Variants in RAB2A observed in about 807,000 individuals in gnomAD.
RAB2A encodes the protein RAB2A, member RAS oncogene family.
In RAB2A, 7 loss-of-function variants were observed where a neutral mutation model predicts 32.5. That is an observed-to-expected ratio of 0.22 (90% confidence interval 0.12 to 0.40). RAB2A has a LOEUF of 0.40. RAB2A is among the 10% of genes least tolerant of loss of function. The pLI is 1.00. For synonymous variants in RAB2A, 79 were observed against 85.2 expected (o/e 0.93, Z 0.40); for missense variants, 108 against 260.7 (o/e 0.41, Z 4.03).
chr8:60,608,627 T>C (rs1375271213), intron 6 of RAB2A, among the ~76,000 whole-genome samples: 2 of 109,326 alleles, frequency 1.8e-5, no homozygotes, highest in African/African-American at 3.7e-5. Flanking sequence ...CCCACCTCAC[T>C]GGCCTTCCCC....
chr8:60,575,306 C>T (rs1373952772), intron 3 of RAB2A, among the ~76,000 whole-genome samples: 2 of 151,956 alleles, frequency 1.3e-5, no homozygotes, highest in African/African-American at 2.4e-5. Flanking sequence ...TGTTATGTTT[C>T]CCAGGCTGGT....
At chr8:60,522,790 A>G (rs1807321374) in intron 1 of RAB2A, among the ~76,000 whole-genome samples, 1 of 152,096 alleles carries the variant, frequency 6.6e-6, no homozygotes, top group Non-Finnish European at 1.5e-5. Flanking sequence ...AACAGAAGGA[A>G]GACCTCTTCC....
intron 6 of RAB2A, among the ~76,000 whole-genome samples, chr8:60,593,980 A>G (rs758835804): frequency 1.3e-5 from 2 of 152,132 alleles, no homozygotes; most frequent in Non-Finnish European, 1.5e-5. Flanking sequence ...TTTGTACACT[A>G]GAAAAAAAAA....
chr8:60,590,555 T>A (rs1361638928), intron 5 of RAB2A, among the ~76,000 whole-genome samples: 2 of 145,672 alleles, frequency 1.4e-5, no homozygotes, highest in Non-Finnish European at 3.0e-5. Context: ...TATATATATA[T>A]GTAAAATACA....
intron 6 of RAB2A, among the ~76,000 whole-genome samples, chr8:60,604,745 T>G (rs534614639): frequency 6.6e-6 from 1 of 152,320 alleles, no homozygotes; most frequent in South Asian, 2.1e-4. Context: ...ATTGAAGATG[T>G]GGCCTGGTTG....
At chr8:60,552,506 A>G (rs1807870460) in intron 1 of RAB2A, 1 of 152,204 alleles carries the variant, frequency 6.6e-6, no homozygotes, top group South Asian at 2.1e-4. Flanking sequence ...ATACTTTGTG[A>G]TATGATGGAT....
At chr8:60,521,208 A>G (rs1001800549) in intron 1 of RAB2A, among the ~76,000 whole-genome samples, 3 of 152,198 alleles carry the variant, frequency 2.0e-5, no homozygotes, top group Non-Finnish European at 2.9e-5. Context: ...TTTATTTAAT[A>G]GTTAAGTGGA....
intron 6 of RAB2A, among the ~76,000 whole-genome samples, chr8:60,602,449 A>G (rs1804149716): frequency 6.6e-6 from 1 of 152,236 alleles, no homozygotes; most frequent in African/African-American, 2.4e-5. Flanking sequence ...ATTTCATTCA[A>G]CAAGTAATAT....
Position 60,517,202 on chromosome 8 carries a change from G to C in RAB2A, c.-6G>C. On this transcript the variant is annotated 5_prime_UTR_variant, in exon 1 of 8. Coordinates refer to ENST00000262646, the MANE Select transcript of RAB2A (RefSeq NM_002865.3). ...CCGTGTGCCCTGGCACTGAGCGGCC[G>C]CGGCCATGGCGTACGCCTATCTCTT... The C allele has an allele frequency of 6.7e-7, 1 of 1,488,662 alleles. No individual in the cohort carries two copies. Among genetic ancestry groups the C allele is most frequent in the Non-Finnish European group, 8.9e-7 (1 of 1,117,958 alleles). The allele number at this position is 1,488,662 out of a possible 1,614,324, so 92.2% of individuals were successfully genotyped here. A position where few individuals can be genotyped will look rare whatever the true frequency, so the allele number is the denominator to read the frequency against.
chr8:60,602,772 A>G (rs1375864983), intron 6 of RAB2A, among the ~76,000 whole-genome samples: 1 of 152,204 alleles, frequency 6.6e-6, no homozygotes, highest in Non-Finnish European at 1.5e-5. Flanking sequence ...AGAAACAGCA[A>G]TTACAGTAAT....
chr8:60,550,154 C>T (rs539530150), intron 1 of RAB2A, among the ~76,000 whole-genome samples: 1 of 152,344 alleles, frequency 6.6e-6, no homozygotes, highest in South Asian at 2.1e-4. Flanking sequence ...GATCTGTCCA[C>T]TCTCAATCTG....
intron 5 of RAB2A, among the ~76,000 whole-genome samples, chr8:60,587,337 A>G (rs538492078): frequency 6.6e-6 from 1 of 152,348 alleles, no homozygotes; most frequent in South Asian, 2.1e-4. Flanking sequence ...CAACTGTTAC[A>G]TTATACCATT....
At chr8:60,571,521 T>A (rs1170964718) in intron 2 of RAB2A, among the ~76,000 whole-genome samples, 3 of 152,214 alleles carry the variant, frequency 2.0e-5, no homozygotes, top group Non-Finnish European at 2.9e-5. Context: ...GTATACTTAT[T>A]TCTGCATGTG....
intron 1 of RAB2A, among the ~76,000 whole-genome samples, chr8:60,550,896 C>T (rs13274307): frequency 3.5e-3 from 527 of 152,306 alleles, no homozygotes; most frequent in Non-Finnish European, 5.8e-3. Flanking sequence ...GCATGACTCT[C>T]CCTGCCTCCT....
chr8:60,614,280 G>C (rs1016622020), intron 6 of RAB2A, among the ~76,000 whole-genome samples: 1 of 145,926 alleles, frequency 6.9e-6, no homozygotes, highest in Non-Finnish European at 1.5e-5. Flanking sequence ...TCTTTATGGA[G>C]ATTTGAGCCA....
chr8:60,588,444 T>C (rs1803882848), intron 5 of RAB2A, among the ~76,000 whole-genome samples: 1 of 152,096 alleles, frequency 6.6e-6, no homozygotes, highest in Admixed American at 6.6e-5. Flanking sequence ...AAATATCAAT[T>C]AACAGATGAA....
At chr8:60,590,681 G>A (rs1441037234) in intron 5 of RAB2A, among the ~76,000 whole-genome samples, 1 of 150,608 alleles carries the variant, frequency 6.6e-6, no homozygotes, top group Non-Finnish European at 1.5e-5. Flanking sequence ...GAGAATTTAA[G>A]TTGTATTGCA....
At chr8:60,620,524 A>T in intron 7 of RAB2A, 150 bp from the exon 8 acceptor site, 2 of 629,076 alleles carry the variant, frequency 3.2e-6, no homozygotes, top group Admixed American at 5.2e-5. Flanking sequence ...CCCTTAGGAG[A>T]TATTGTTTTA....
chr8:60,607,383 C>T (rs1267012123), intron 6 of RAB2A, among the ~76,000 whole-genome samples: 5 of 144,382 alleles, frequency 3.5e-5, no homozygotes, highest in South Asian at 2.2e-4. Flanking sequence ...GAGCCGAGAT[C>T]GCGCCACTGC....
Sources: allele counts gnomAD v4.1 joint callset (sites outside exome capture counted in the v4.1 genomes callset), GRCh38; gene constraint gnomAD v4.1.1; transcripts MANE v1.5; gene names NCBI Gene and HGNC (gene_info 2026-07-23, HGNC 2026-07-21).